Variants in FIRRM observed in about 807,000 individuals in gnomAD.
FIRRM encodes FIGNL1-interacting regulator of recombination and mitosis.
chr1:169,853,113 A>G, the FIRRM span: 1 of 870,114 alleles, frequency 1.1e-6, no homozygotes, highest in South Asian at 1.7e-5. Context: ...TCTTTATTTG[A>G]CATTTAGAGA....
At chr1:169,793,328 C>G in the FIRRM span, 45 of 1,614,028 alleles carry the variant, frequency 2.8e-5, no homozygotes, top group Admixed American at 1.8e-4. Context: ...ATGCTGGAAA[C>G]CTGGTAATGT....
chr1:169,816,837 C>G, the FIRRM span, among the ~76,000 whole-genome samples: 35 of 152,262 alleles, frequency 2.3e-4, no homozygotes, highest in African/African-American at 8.4e-4. Flanking sequence ...CTATTCCAGC[C>G]AAAGCCTTGG....
At chr1:169,809,562 G>T in the FIRRM span, among the ~76,000 whole-genome samples, 1 of 152,158 alleles carries the variant, frequency 6.6e-6, no homozygotes, top group Non-Finnish European at 1.5e-5. Flanking sequence ...ATAGTGGCAA[G>T]AGAGAGTATG....
the FIRRM span, among the ~76,000 whole-genome samples, chr1:169,828,931 CTTA>C: frequency 6.6e-6 from 1 of 152,154 alleles, no homozygotes; most frequent in Non-Finnish European, 1.5e-5. Flanking sequence ...TCGTCTGCTA[CTTA>C]TTTTCTGTTT....
the FIRRM span, chr1:169,851,890 C>G: frequency 6.2e-6 from 10 of 1,613,962 alleles, no homozygotes; most frequent in Non-Finnish European, 7.6e-6. Context: ...TTCTGGGAAC[C>G]CTTTGCTAAT....
the FIRRM span, chr1:169,843,695 C>T: frequency 1.5e-5 from 24 of 1,612,794 alleles, no homozygotes; most frequent in South Asian, 2.6e-4. Flanking sequence ...ACCTTATGTT[C>T]AACAGACATT....
At chr1:169,830,049 C>T in the FIRRM span, among the ~76,000 whole-genome samples, 4 of 152,122 alleles carry the variant, frequency 2.6e-5, no homozygotes, top group Non-Finnish European at 5.9e-5. Context: ...CTCTCCATAG[C>T]ACAGCACAGT....
chr1:169,825,555 T>A, the FIRRM span, among the ~76,000 whole-genome samples: 1 of 152,206 alleles, frequency 6.6e-6, no homozygotes, highest in Non-Finnish European at 1.5e-5. Flanking sequence ...ATTGAAAAAA[T>A]AAATTCTTGC....
the FIRRM span, chr1:169,793,707 A>G: frequency 1.3e-6 from 2 of 1,554,552 alleles, no homozygotes; most frequent in Non-Finnish European, 8.7e-7. Context: ...CTCTTATTAA[A>G]TGCACACAAT....
At chr1:169,831,666 G>A in the FIRRM span, among the ~76,000 whole-genome samples, 1 of 152,154 alleles carries the variant, frequency 6.6e-6, no homozygotes, top group Admixed American at 6.5e-5. Context: ...ATTTCTTCTA[G>A]TTCATTATGA....
At chr1:169,824,528 G>T in the FIRRM span, among the ~76,000 whole-genome samples, 1 of 152,190 alleles carries the variant, frequency 6.6e-6, no homozygotes, top group Non-Finnish European at 1.5e-5. Flanking sequence ...AGAAAGAGTT[G>T]TCTATACCCC....
chr1:169,851,945 T>C, the FIRRM span: 1 of 1,614,018 alleles, frequency 6.2e-7, no homozygotes, highest in South Asian at 1.1e-5. Flanking sequence ...AGGTATGGGC[T>C]GATTTCAATA....
the FIRRM span, chr1:169,830,826 A>G: frequency 8.0e-7 from 1 of 1,251,936 alleles, no homozygotes; most frequent in African/African-American, 1.5e-5. Flanking sequence ...AAGAATGTGA[A>G]TATCGGCGGG....
the FIRRM span, chr1:169,807,834 C>T: frequency 6.2e-7 from 1 of 1,605,418 alleles, no homozygotes. Context: ...CCAGTTGAAA[C>T]ACAAAGATAT....
At chr1:169,815,507 G>C in the FIRRM span, among the ~76,000 whole-genome samples, 1 of 152,088 alleles carries the variant, frequency 6.6e-6, no homozygotes, top group Non-Finnish European at 1.5e-5. Flanking sequence ...GTTGTTGCCA[G>C]GGTATTTGTA....
At chr1:169,832,442 A>G in the FIRRM span, 3 of 1,613,550 alleles carry the variant, frequency 1.9e-6, no homozygotes, top group South Asian at 3.3e-5. Flanking sequence ...GGAGAATGTT[A>G]TCAACTCATC....
At chr1:169,842,359 TTGG>T in the FIRRM span, 17 of 1,552,092 alleles carry the variant, frequency 1.1e-5, no homozygotes, top group Non-Finnish European at 9.6e-6. Flanking sequence ...AAGTCGGCTC[TTGG>T]TGGTGCTTTA....
chr1:169,798,244 G>T, the FIRRM span, among the ~76,000 whole-genome samples: 1 of 151,528 alleles, frequency 6.6e-6, no homozygotes, highest in Admixed American at 6.6e-5. Context: ...TCATGTCACC[G>T]CACTCCATCC....
chr1:169,828,198 A>G, the FIRRM span, among the ~76,000 whole-genome samples: 3 of 152,282 alleles, frequency 2.0e-5, no homozygotes, highest in South Asian at 6.2e-4. Flanking sequence ...TTTAACCTTT[A>G]ATCATCTTCC....
Sources: gnomAD v4.1 joint callset for allele counts (sites outside exome capture counted in the v4.1 genomes callset) on GRCh38, gnomAD v4.1.1 for gene constraint, MANE v1.5 for transcripts, NCBI Gene and HGNC (gene_info 2026-07-23, HGNC 2026-07-21) for gene names.